The following FRYL variants were observed in gnomAD, a reference collection of about 807,000 sequenced individuals.
FRYL encodes the protein protein furry homolog-like.
FRYL carries 150 observed loss-of-function variants against 351.2 expected under a neutral mutation model. The ratio of observed to expected loss-of-function variants is 0.43; its 90% confidence interval spans 0.37 to 0.49. The LOEUF (loss-of-function observed/expected upper bound fraction) is 0.49, where lower values mean the gene tolerates loss of function less well. FRYL is among the 20% of genes least tolerant of loss of function. The pLI is 0.00. For missense variants in FRYL, 3,036 were observed against 3,619.3 expected (o/e 0.84, Z 4.13); for synonymous variants, 1,153 against 1,257.1 (o/e 0.92, Z 1.75).
At chr4:48,524,659 C>T (rs761585469) in intron 53 of FRYL, among the ~76,000 whole-genome samples, 18 of 152,024 alleles carry the variant, frequency 1.2e-4, no homozygotes, top group Non-Finnish European at 2.5e-4. Context: ...TCCACCCCAC[C>T]CCTGATTACT....
intron 1 of FRYL, among the ~76,000 whole-genome samples, chr4:48,777,958 G>T (rs1776202866): frequency 6.6e-6 from 1 of 152,192 alleles, no homozygotes; most frequent in South Asian, 2.1e-4. Context: ...GGCCAAAGCA[G>T]AAGGATCGCT....
At chr4:48,544,718 A>C in intron 43 of FRYL, 65 bp downstream of exon 43, 2 of 1,378,828 alleles carry the variant, frequency 1.5e-6, no homozygotes, top group Non-Finnish European at 2.0e-6. Flanking sequence ...CTTTTTGCTA[A>C]GCATTATCAG....
At chr4:48,535,630 A>G (rs1728729889) in intron 48 of FRYL, 27 bp downstream of exon 48, 1 of 1,389,700 alleles carries the variant, frequency 7.2e-7, no homozygotes, top group Non-Finnish European at 9.8e-7. Flanking sequence ...TATATAGTAA[A>G]TAAGAAAATA....
intron 1 of FRYL, among the ~76,000 whole-genome samples, chr4:48,776,181 T>C (rs1397842316): frequency 6.8e-6 from 1 of 147,692 alleles, no homozygotes; most frequent in Non-Finnish European, 1.5e-5. Flanking sequence ...AGAGTCAGAG[T>C]CTCCCTTTGT....
At chr4:48,693,861 T>C (rs966527576) in intron 2 of FRYL, among the ~76,000 whole-genome samples, 3 of 152,214 alleles carry the variant, frequency 2.0e-5, no homozygotes, top group African/African-American at 7.2e-5. Context: ...ACATGAATAT[T>C]TGATGAGGAG....
At chr4:48,768,706 G>A (rs925691960) in intron 1 of FRYL, among the ~76,000 whole-genome samples, 1 of 152,070 alleles carries the variant, frequency 6.6e-6, no homozygotes, top group Non-Finnish European at 1.5e-5. Context: ...AGAAGGCTAG[G>A]GTAGGAGAAT....
chr4:48,641,532 C>T (rs567977925), intron 3 of FRYL, among the ~76,000 whole-genome samples: 9 of 152,188 alleles, frequency 5.9e-5, no homozygotes, highest in South Asian at 4.2e-4. Context: ...ATTCACACCC[C>T]AGAGGCTCTT....
rs36223183 is a variant in FRYL at position 48,645,124 on chromosome 4, T to TTATA, written c.-80-10638_-80-10635dup. Reference sequence around the variant, plus strand: ...ATTAAACCAGCAGTGAGCTTTCATTTTATATATATATATATATATATATAT... The same window carrying TTATA: ...ATTAAACCAGCAGTGAGCTTTCATTTTATATATATATATATATATATATATATAT... On this transcript the variant is annotated intron_variant, in intron 3 of 63. Coordinates refer to ENST00000358350, the MANE Select transcript of FRYL (RefSeq NM_015030.2). Among the ~76,000 whole-genome samples the TTATA allele has an allele frequency of 3.9e-3, 412 of 105,440 alleles. 32 individuals are homozygous for TTATA. Among genetic ancestry groups the TTATA allele is most frequent in the South Asian group, 0.032 (111 of 3,508 alleles). The allele number at this position is 105,440 out of a possible 152,430, so 69.2% of individuals were successfully genotyped here. A position where few individuals can be genotyped will look rare whatever the true frequency, so the allele number is the denominator to read the frequency against.
intron 4 of FRYL, among the ~76,000 whole-genome samples, chr4:48,632,683 G>A (rs1405604026): frequency 6.6e-6 from 1 of 151,968 alleles, no homozygotes; most frequent in Non-Finnish European, 1.5e-5. Context: ...ATAAACATCT[G>A]CACAGTTTTG....
At chr4:48,541,629 G>C (rs1202163573) in intron 45 of FRYL, among the ~76,000 whole-genome samples, 1 of 152,170 alleles carries the variant, frequency 6.6e-6, no homozygotes, top group African/African-American at 2.4e-5. Flanking sequence ...ATTTGGGATG[G>C]GACTTGAAGG....
intron 1 of FRYL, among the ~76,000 whole-genome samples, chr4:48,712,777 T>G (rs1411320772): frequency 6.6e-6 from 1 of 151,992 alleles, no homozygotes; most frequent in African/African-American, 2.4e-5. Context: ...CACATAATTG[T>G]CAGATTCACC....
At chr4:48,510,769 A>G in intron 58 of FRYL, 66 bp downstream of exon 58, 1 of 1,261,322 alleles carries the variant, frequency 7.9e-7, no homozygotes, top group Non-Finnish European at 1.1e-6. Flanking sequence ...TACTTAGAAA[A>G]AAAGACTTAC....
chr4:48,705,535 T>C (rs968624755), intron 2 of FRYL, among the ~76,000 whole-genome samples: 26 of 143,564 alleles, frequency 1.8e-4, no homozygotes, highest in African/African-American at 6.6e-4. Context: ...CATATGAATA[T>C]ATAGCTTGCT....
chr4:48,737,992 T>C (rs538572877), intron 1 of FRYL, among the ~76,000 whole-genome samples: 1 of 152,304 alleles, frequency 6.6e-6, no homozygotes, highest in East Asian at 1.9e-4. Flanking sequence ...AAACCTACTG[T>C]TAACCTCATT....
At chr4:48,531,029 C>T in intron 50 of FRYL, 127 bp downstream of exon 50, 1 of 667,834 alleles carries the variant, frequency 1.5e-6, no homozygotes, top group Non-Finnish European at 2.6e-6. Flanking sequence ...CTTGGTTGTT[C>T]ATAACAGCTA....
intron 1 of FRYL, among the ~76,000 whole-genome samples, chr4:48,754,833 GGTTTCACCAT>G (rs1320812058): frequency 6.6e-6 from 1 of 152,022 alleles, no homozygotes; most frequent in Non-Finnish European, 1.5e-5. Context: ...GTAGAGATGG[GGTTTCACCAT>G]GTTGGCCAGG....
At chr4:48,779,518 T>G (rs10024404) in intron 1 of FRYL, among the ~76,000 whole-genome samples, 77,059 of 151,502 alleles carry the variant, frequency 0.51, 20,020 homozygotes, top group South Asian at 0.62. Flanking sequence ...GCTCCGCCGG[T>G]CCCCGCCAGC....
At chr4:48,560,843 G>A (rs1735339889) in intron 33 of FRYL, among the ~76,000 whole-genome samples, 1 of 152,086 alleles carries the variant, frequency 6.6e-6, no homozygotes, top group Non-Finnish European at 1.5e-5. Context: ...GCTAAAATAG[G>A]TGCTGTGCAA....
chr4:48,703,045 G>A (rs1371327420), intron 2 of FRYL, among the ~76,000 whole-genome samples: 4 of 152,118 alleles, frequency 2.6e-5, no homozygotes, highest in Non-Finnish European at 5.9e-5. Context: ...GCTGCCCAAA[G>A]AAAGTTGTCT....
Sources: allele counts gnomAD v4.1 joint callset (sites outside exome capture counted in the v4.1 genomes callset), GRCh38; gene constraint gnomAD v4.1.1; transcripts MANE v1.5; gene names NCBI Gene and HGNC (gene_info 2026-07-23, HGNC 2026-07-21).